KLHL14: variants seen among roughly 807,000 people sequenced by gnomAD.
KLHL14 encodes the protein kelch like family member 14, also known as kelch-like protein 14.
In KLHL14, 22 loss-of-function variants were observed where a neutral mutation model predicts 64.3. The ratio of observed to expected loss-of-function variants is 0.34; its 90% CI spans 0.24 to 0.49. The LOEUF (loss-of-function observed/expected upper bound fraction) is 0.49. Ranked by LOEUF, KLHL14 falls within the 20% of genes least tolerant of loss-of-function variation. The pLI is 0.99. For missense variants in KLHL14, 661 were observed against 789.0 expected, an observed-to-expected ratio of 0.84 and a Z score of 1.94; for synonymous variants, 322 against 333.4, an observed-to-expected ratio of 0.97 and a Z score of 0.37.
At chr18:32,715,061 G>A (rs1161905577) in intron 3 of KLHL14, among the ~76,000 whole-genome samples, 2 of 152,030 alleles carry the variant, frequency 1.3e-5, no homozygotes, top group African/African-American at 4.8e-5. Context: ...GCACTATAAA[G>A]TAGTTTCTCC....
In KLHL14 at chr18:32,680,123, G is replaced by A. The variant is rs1421955616; in HGVS notation, c.1588+46C>T. On this transcript the variant is annotated intron_variant, in intron 7 of 8. Transcript: ENST00000359358. The surrounding 1 kb of genome is among the most constrained non-coding windows in gnomAD (Gnocchi z 4.8). ...AAACCCCCTTAGCGAGAAATATGAG[G>A]TGCAAATGTTATTGTGACTAAAAAA... The A allele has an allele frequency of 1.3e-6, 2 of 1,585,250 alleles. No individual in the cohort carries two copies. The highest frequency in any genetic ancestry group is 1.7e-6 in the Non-Finnish European group (2 of 1,158,636).
intron 3 of KLHL14, among the ~76,000 whole-genome samples, chr18:32,721,081 TAC>T (rs2050077266): frequency 6.6e-6 from 1 of 152,234 alleles, no homozygotes; most frequent in Non-Finnish European, 1.5e-5. Context: ...GTGTGTTTTC[TAC>T]AGAGAAGGCT....
At chr18:32,742,670 C>G (rs1264503421) in intron 2 of KLHL14, among the ~76,000 whole-genome samples, 4 of 152,152 alleles carry the variant, frequency 2.6e-5, no homozygotes, top group African/African-American at 9.7e-5. Flanking sequence ...CCTCTGCTCT[C>G]CCCCTGTGCA....
intron 2 of KLHL14, among the ~76,000 whole-genome samples, chr18:32,763,125 A>G (rs1280471548): frequency 7.3e-6 from 1 of 137,674 alleles, no homozygotes; most frequent in East Asian, 2.2e-4. Flanking sequence ...TTTTTTTTTC[A>G]TAGTTAAACA....
At chr18:32,697,222 T>C (rs867930941) in intron 3 of KLHL14, among the ~76,000 whole-genome samples, 12 of 152,242 alleles carry the variant, frequency 7.9e-5, no homozygotes, top group African/African-American at 2.7e-4. Context: ...GTGAGGCTCA[T>C]TGAGCAACAG....
chr18:32,689,982 T>C (rs1164933953), intron 4 of KLHL14, among the ~76,000 whole-genome samples: 7 of 152,102 alleles, frequency 4.6e-5, no homozygotes, highest in Non-Finnish European at 2.9e-5. Flanking sequence ...AGTAGCCAGC[T>C]TGGCTGTGTG....
At chr18:32,760,534 G>A (rs2050309069) in intron 2 of KLHL14, among the ~76,000 whole-genome samples, 1 of 152,146 alleles carries the variant, frequency 6.6e-6, no homozygotes, top group Admixed American at 6.5e-5. Context: ...GCAGGGAAGT[G>A]AAACCGACTG....
At chr18:32,739,403 C>A (rs1310696056) in intron 3 of KLHL14, among the ~76,000 whole-genome samples, 7 of 149,430 alleles carry the variant, frequency 4.7e-5, no homozygotes, top group Admixed American at 1.3e-4. Context: ...AAAAAAAAAA[C>A]CAAGCAGAAA....
At chr18:32,706,794 C>G (rs2144496306) in intron 3 of KLHL14, among the ~76,000 whole-genome samples, 1 of 152,226 alleles carries the variant, frequency 6.6e-6, no homozygotes, top group South Asian at 2.1e-4. Flanking sequence ...TCCTCTCACC[C>G]TCCACCCTAA....
chr18:32,765,016 G>A (rs945357208), intron 2 of KLHL14, among the ~76,000 whole-genome samples: 1 of 152,122 alleles, frequency 6.6e-6, no homozygotes, highest in Admixed American at 6.6e-5. Flanking sequence ...GGGAGTGATA[G>A]TAAAAAACAG....
chr18:32,720,968 A>T (rs2050076383), intron 3 of KLHL14, among the ~76,000 whole-genome samples: 2 of 152,190 alleles, frequency 1.3e-5, no homozygotes, highest in Non-Finnish European at 2.9e-5. Flanking sequence ...TTGGTAGCAC[A>T]TGTATTTTAA....
intron 3 of KLHL14, among the ~76,000 whole-genome samples, chr18:32,740,630 T>A (rs1047879248): frequency 6.6e-6 from 1 of 152,230 alleles, no homozygotes; most frequent in Non-Finnish European, 1.5e-5. Flanking sequence ...ACCTTTAAAA[T>A]TCAGCTTGGC....
At chr18:32,693,907 C>T (rs1424390223) in intron 4 of KLHL14, among the ~76,000 whole-genome samples, 1 of 152,210 alleles carries the variant, frequency 6.6e-6, no homozygotes, top group African/African-American at 2.4e-5. Flanking sequence ...GTGTTCCCCC[C>T]ACCCAATTCT....
At chr18:32,703,046 A>G (rs2049974094) in intron 3 of KLHL14, among the ~76,000 whole-genome samples, 1 of 152,166 alleles carries the variant, frequency 6.6e-6, no homozygotes. Flanking sequence ...GATTGGACTA[A>G]ATGCATACTT....
intron 2 of KLHL14, among the ~76,000 whole-genome samples, chr18:32,755,759 G>C (rs969275375): frequency 6.6e-6 from 1 of 152,134 alleles, no homozygotes; most frequent in Admixed American, 6.6e-5. Context: ...TAGAATCTCT[G>C]GGGTGGAGCT....
At chr18:32,749,937 G>A (rs1192136832) in intron 2 of KLHL14, among the ~76,000 whole-genome samples, 1 of 152,082 alleles carries the variant, frequency 6.6e-6, no homozygotes, top group Non-Finnish European at 1.5e-5. Flanking sequence ...ATTTCTCATA[G>A]TTTTGGAGGC....
At chr18:32,747,182 T>C (rs1300279541) in intron 2 of KLHL14, among the ~76,000 whole-genome samples, 1 of 152,178 alleles carries the variant, frequency 6.6e-6, no homozygotes, top group Non-Finnish European at 1.5e-5. Flanking sequence ...CTACCTAGGT[T>C]TTCTAGAGCA....
chr18:32,698,419 A>G (rs1200875358), intron 3 of KLHL14, among the ~76,000 whole-genome samples: 11 of 152,172 alleles, frequency 7.2e-5, no homozygotes, highest in African/African-American at 2.7e-4. Context: ...AGGCTGTCTA[A>G]TTTTACAGCA....
chr18:32,729,611 C>T (rs545099097), intron 3 of KLHL14, among the ~76,000 whole-genome samples: 4 of 152,088 alleles, frequency 2.6e-5, no homozygotes, highest in African/African-American at 9.6e-5. Flanking sequence ...CACCCTAATC[C>T]AATATGATTC....
Sources: allele counts gnomAD v4.1 joint callset (sites outside exome capture counted in the v4.1 genomes callset), GRCh38; gene constraint gnomAD v4.1.1; non-coding constraint Gnocchi (gnomAD v3.1); transcripts MANE v1.5; gene names NCBI Gene and HGNC (gene_info 2026-07-23, HGNC 2026-07-21).